Variants in KCNG3 observed in about 807,000 individuals in gnomAD.
KCNG3 encodes the protein voltage-gated potassium channel regulatory subunit KCNG3.
A neutral mutation model predicts 29.0 loss-of-function variants in KCNG3; 15 were observed. The observed-to-expected ratio is 0.52, with a 90% CI of 0.35 to 0.80. The LOEUF (loss-of-function observed/expected upper bound fraction) is 0.80, where lower values mean the gene tolerates loss of function less well. KCNG3 is among the 30% of genes least tolerant of loss of function. The pLI, the probability that KCNG3 is intolerant of heterozygous loss-of-function variation, is 0.01. For synonymous variants in KCNG3, 322 were observed against 248.9 expected, an observed-to-expected ratio of 1.29 and a Z score of -2.76; for missense variants, 512 against 605.7, an observed-to-expected ratio of 0.85 and a Z score of 1.62.
At chr2:42,392,582 G>C in the KCNG3 span, among the ~76,000 whole-genome samples, 1 of 152,098 alleles carries the variant, frequency 6.6e-6, no homozygotes, top group African/African-American at 2.4e-5. Flanking sequence ...CCAAAGAGAA[G>C]GCTTTAGTTG....
chr2:42,484,670 A>G (rs944463237), intron 1 of KCNG3, among the ~76,000 whole-genome samples: 2 of 152,236 alleles, frequency 1.3e-5, no homozygotes, highest in Non-Finnish European at 2.9e-5. Flanking sequence ...TTCACATTTT[A>G]ACACTTTTTT....
chr2:42,439,769 C>T (rs528341776), downstream of KCNG3, among the ~76,000 whole-genome samples: 1 of 151,742 alleles, frequency 6.6e-6, no homozygotes, highest in African/African-American at 2.4e-5. Context: ...GCCTCAGCCT[C>T]CCAAGTAGCT....
chr2:42,399,624 A>C, the KCNG3 span, among the ~76,000 whole-genome samples: 1 of 152,044 alleles, frequency 6.6e-6, no homozygotes, highest in Non-Finnish European at 1.5e-5. Flanking sequence ...TAATTCTTAG[A>C]CTCCTCAGTC....
At chr2:42,421,567 C>T in the KCNG3 span, among the ~76,000 whole-genome samples, 1 of 152,114 alleles carries the variant, frequency 6.6e-6, no homozygotes, top group Admixed American at 6.5e-5. Flanking sequence ...TTGGTAATAT[C>T]TTCCTACTCT....
At chr2:42,449,811 T>A (rs1269720417) in intron 1 of KCNG3, among the ~76,000 whole-genome samples, 1 of 152,180 alleles carries the variant, frequency 6.6e-6, no homozygotes, top group Non-Finnish European at 1.5e-5. Context: ...TAGGTAGTAG[T>A]AAGATGTGCA....
chr2:42,478,886 T>G (rs1673508172), intron 1 of KCNG3, among the ~76,000 whole-genome samples: 1 of 152,140 alleles, frequency 6.6e-6, no homozygotes, highest in Non-Finnish European at 1.5e-5. Context: ...CTAAAACAGC[T>G]GTCCCTGATT....
At chr2:42,391,393 G>C in the KCNG3 span, among the ~76,000 whole-genome samples, 1 of 152,030 alleles carries the variant, frequency 6.6e-6, no homozygotes, top group East Asian at 1.9e-4. Flanking sequence ...TCTGCTTCCA[G>C]CACCTTCTAG....
At chr2:42,405,769 G>A in the KCNG3 span, among the ~76,000 whole-genome samples, 10 of 151,890 alleles carry the variant, frequency 6.6e-5, no homozygotes, top group East Asian at 3.9e-4. Flanking sequence ...CACCAAGCCC[G>A]GCTAATTTTT....
At chr2:42,469,314 G>A (rs1673226633) in intron 1 of KCNG3, among the ~76,000 whole-genome samples, 1 of 151,698 alleles carries the variant, frequency 6.6e-6, no homozygotes, top group African/African-American at 2.4e-5. Flanking sequence ...CTACTCAGGA[G>A]GCCGAGGCAG....
chr2:42,454,146 T>G (rs1029017446), intron 1 of KCNG3, among the ~76,000 whole-genome samples: 1 of 150,962 alleles, frequency 6.6e-6, no homozygotes, highest in South Asian at 2.1e-4. Context: ...TGAGCACTGT[T>G]GGTAGGATTG....
chr2:42,411,674 G>A, the KCNG3 span, among the ~76,000 whole-genome samples: 1 of 152,224 alleles, frequency 6.6e-6, no homozygotes, highest in East Asian at 1.9e-4. Flanking sequence ...GTAGAGACAG[G>A]GTTTTGCCAT....
rs1239688633 is a variant in KCNG3, at chr2:42,493,754, T to G, written c.-253A>C. ...GGGGAGTCCTCGCCGGCGCCAGCGCTGAGCCCCACCGGCTGGGAACGCGGC... is the reference window on the plus strand; with the variant it reads ...GGGGAGTCCTCGCCGGCGCCAGCGCGGAGCCCCACCGGCTGGGAACGCGGC... On this transcript the variant is annotated 5_prime_UTR_variant, in exon 1 of 2. Coordinates refer to ENST00000306078, the MANE Select transcript of KCNG3 (RefSeq NM_133329.6). The G allele has an allele frequency of 3.2e-6, 1 of 316,242 alleles. No homozygotes were observed. Among genetic ancestry groups the G allele is most frequent in the African/African-American group, 2.2e-5 (1 of 45,790 alleles). The allele number at this position is 316,242 out of a possible 1,614,324, so 19.6% of individuals were successfully genotyped here.
At chr2:42,473,407 T>C (rs961724124) in intron 1 of KCNG3, among the ~76,000 whole-genome samples, 4 of 151,762 alleles carry the variant, frequency 2.6e-5, no homozygotes, top group African/African-American at 9.7e-5. Context: ...TGGAGTTCAG[T>C]GGCCCGATCT....
the KCNG3 span, among the ~76,000 whole-genome samples, chr2:42,411,838 C>T: frequency 6.6e-6 from 1 of 152,198 alleles, no homozygotes; most frequent in African/African-American, 2.4e-5. Flanking sequence ...TTGCTACCAT[C>T]AATTGGTACT....
At chr2:42,405,207 G>C in the KCNG3 span, among the ~76,000 whole-genome samples, 1 of 152,116 alleles carries the variant, frequency 6.6e-6, no homozygotes, top group Non-Finnish European at 1.5e-5. Context: ...ACGTTTTATA[G>C]CTCTCTACTA....
At chr2:42,484,210 C>T (rs536964765) in intron 1 of KCNG3, among the ~76,000 whole-genome samples, 2 of 152,060 alleles carry the variant, frequency 1.3e-5, no homozygotes, top group East Asian at 3.9e-4. Context: ...ACCTGTAATC[C>T]TAGCATTTTG....
intron 1 of KCNG3, among the ~76,000 whole-genome samples, chr2:42,452,243 A>ATATATATATTTTTTT: frequency 1.9e-3 from 176 of 95,012 alleles, no homozygotes; most frequent in Middle Eastern, 5.5e-3. Flanking sequence ...ATATATATAT[A>ATATATATATTTTTTT]TTTTTTTTTT....
At chr2:42,435,008 T>TA in the KCNG3 span, among the ~76,000 whole-genome samples, 1 of 152,076 alleles carries the variant, frequency 6.6e-6, no homozygotes, top group African/African-American at 2.4e-5. Flanking sequence ...ATAAAACTCT[T>TA]AAGAGAAAAC....
chr2:42,450,449 G>A (rs1672720476), intron 1 of KCNG3, among the ~76,000 whole-genome samples: 2 of 152,154 alleles, frequency 1.3e-5, no homozygotes, highest in Non-Finnish European at 2.9e-5. Context: ...ACTGACAACT[G>A]CTGAAAAACT....
Sources: gnomAD v4.1 joint callset for allele counts (sites outside exome capture counted in the v4.1 genomes callset) on GRCh38, gnomAD v4.1.1 for gene constraint, MANE v1.5 for transcripts, NCBI Gene and HGNC (gene_info 2026-07-23, HGNC 2026-07-21) for gene names.